Variants in TRIO observed in about 807,000 individuals in gnomAD.
TRIO encodes the protein triple functional domain protein.
Under a neutral mutation model 351.9 loss-of-function variants are expected in TRIO, and 58 were observed. The observed-to-expected ratio is 0.16, with a 90% CI of 0.13 to 0.21. The LOEUF (loss-of-function observed/expected upper bound fraction) is 0.21. TRIO is among the 10% of genes least tolerant of loss of function. The probability of loss-of-function intolerance (pLI) is 1.00; values close to 1 mark genes in which losing one functional copy is unlikely to be tolerated. For missense variants in TRIO, 3,201 were observed against 4,027.8 expected, an observed-to-expected ratio of 0.79 and a Z score of 5.56; for synonymous variants, 1,758 against 1,595.7, an observed-to-expected ratio of 1.10 and a Z score of -2.42.
At chr5:14,488,429 T>A in intron 48 of TRIO, 169 bp downstream of exon 48, 1 of 930,440 alleles carries the variant, frequency 1.1e-6, no homozygotes, top group Non-Finnish European at 1.6e-6. Context: ...CCCACGGCGC[T>A]ACTAACTACT....
In TRIO at chr5:14,229,625, C is replaced by T. The variant is rs1161355860; in HGVS notation, c.158-41200C>T. Among the ~76,000 whole-genome samples the T allele has an allele frequency of 3.9e-5, 6 of 152,184 alleles. 1 individual carries two copies. Among genetic ancestry groups the T allele is most frequent in the Admixed American group, 3.9e-4 (6 of 15,282 alleles). ...ACCATTAGGAAGACAACGTTCAAGG[C>T]TGGGTCCAGGTGGTTCTTCTCTTTG... On this transcript the variant is annotated intron_variant, in intron 1 of 56. Coordinates refer to ENST00000344204, the MANE Select transcript of TRIO (RefSeq NM_007118.4).
intron 16 of TRIO, among the ~76,000 whole-genome samples, chr5:14,368,406 T>C (rs556919554): frequency 1.3e-5 from 2 of 152,218 alleles, no homozygotes; most frequent in South Asian, 4.1e-4. Flanking sequence ...ACCACTTCTT[T>C]GGCTGTTAAG....
At chr5:14,269,704 C>T (rs182774452) in intron 1 of TRIO, among the ~76,000 whole-genome samples, 53 of 152,274 alleles carry the variant, frequency 3.5e-4, no homozygotes, top group South Asian at 8.3e-4. Flanking sequence ...AGGGCTTGCC[C>T]GGGAGTTGCT....
intron 1 of TRIO, among the ~76,000 whole-genome samples, chr5:14,172,332 A>G (rs1355282121): frequency 6.6e-6 from 1 of 152,246 alleles, no homozygotes; most frequent in East Asian, 1.9e-4. Flanking sequence ...GAACAAATCT[A>G]GCGTCTTGGT....
chr5:14,390,559 A>G, intron 26 of TRIO: 1 of 547,872 alleles, frequency 1.8e-6, no homozygotes, highest in Non-Finnish European at 3.2e-6. Context: ...ATTTGCTGAT[A>G]GGTGAGTTCC....
Position 14,488,075 on chromosome 5 carries a change from G to C in TRIO, c.7447G>C (p.Gly2483Arg), listed in dbSNP as rs1259278819. 2.2e-5 allele frequency: 36 copies of C among 1,609,894 alleles called. No homozygotes were observed. Among genetic ancestry groups the C allele is most frequent in the African/African-American group, 2.7e-5 (2 of 74,812 alleles). ...CCCCAGCAGCCCCCTGCAGAAGGGGGGCTCCTTCTGGAGCTCCATCCCCGC... is the reference window on the plus strand; with the variant it reads ...CCCCAGCAGCCCCCTGCAGAAGGGGCGCTCCTTCTGGAGCTCCATCCCCGC... ...FPPSSPLQKG[G>R]SFWSSIPASP... The change falls in exon 48 of 57, where the codon GGC becomes CGC. Residue 2483 changes from glycine (G) to arginine (R), a missense_variant. Gly to Arg is a moderately radical substitution (Grantham distance 125). Around this residue, in one of 19 missense-constraint regions of TRIO, gnomAD observed 1,089 missense variants for 954.9 expected, o/e 1.14. Coordinates refer to ENST00000344204, the MANE Select transcript of TRIO (RefSeq NM_007118.4).
chr5:14,159,658 T>A (rs1788325009), intron 1 of TRIO, among the ~76,000 whole-genome samples: 1 of 151,892 alleles, frequency 6.6e-6, no homozygotes, highest in Admixed American at 6.6e-5. Flanking sequence ...AACCTCCATC[T>A]CCTGAGCGAT....
rs1736464728 is a variant in TRIO, at chr5:14,286,597, T to C, written c.348-274T>C. 6.6e-6 allele frequency among the ~76,000 whole-genome samples: 1 copy of C among 152,180 alleles called. No individual in the cohort carries two copies. The highest frequency in any genetic ancestry group is 1.5e-5 in the Non-Finnish European group (1 of 68,028). On this transcript the variant is annotated intron_variant, in intron 3 of 56. Transcript: ENST00000344204. This position sits in a 1 kb window ranked among gnomAD's most constrained non-coding sequence, Gnocchi z 4.4. ...AGAAATGGGCATGGTGACCGTTGTT[T>C]TCCTGAAAAGAAGACGGGATGCAAA...
intron 1 of TRIO, among the ~76,000 whole-genome samples, chr5:14,233,891 A>G (rs2152225666): frequency 6.6e-6 from 1 of 152,196 alleles, no homozygotes; most frequent in East Asian, 1.9e-4. Flanking sequence ...CCTGGGTTCA[A>G]GTGATTCTTT....
intron 1 of TRIO, among the ~76,000 whole-genome samples, chr5:14,219,287 C>G (rs1276083074): frequency 6.6e-6 from 1 of 151,774 alleles, no homozygotes; most frequent in African/African-American, 2.4e-5. Flanking sequence ...CATTGTTTTC[C>G]TTACCCCCCG....
intron 9 of TRIO, 51 bp from the exon 10 acceptor site, chr5:14,330,727 A>T (rs758661393): frequency 1.3e-6 from 2 of 1,595,380 alleles, no homozygotes; most frequent in East Asian, 2.2e-5. Context: ...TTAAACATTG[A>T]ACATGGCAGG....
In TRIO at chr5:14,183,904, G is replaced by A. The variant is rs551782213; in HGVS notation, c.157+40022G>A. The A allele has an allele frequency of 2.2e-4, 150 of 695,144 alleles. 1 individual carries two copies. The African/African-American group carries it at 2.2e-3, about 10-fold the overall frequency. The allele number at this position is 695,144 out of a possible 1,614,324, so 43.1% of individuals were successfully genotyped here. On this transcript the variant is annotated intron_variant, in intron 1 of 56. Transcript: ENST00000344204. Reference sequence around the variant, plus strand: ...ACTGTTTTACTTCGATTTTATTTTCGTGGTAACCGTTTTTTAAAAAAGATT... The same window carrying A: ...ACTGTTTTACTTCGATTTTATTTTCATGGTAACCGTTTTTTAAAAAAGATT...
At chr5:14,280,746 C>T (rs1053925621) in intron 3 of TRIO, among the ~76,000 whole-genome samples, 10 of 152,168 alleles carry the variant, frequency 6.6e-5, no homozygotes, top group African/African-American at 1.9e-4. Context: ...TACCGTGACA[C>T]AGAGGCCTGG....
Position 14,497,839 on chromosome 5 carries a change from C to T in TRIO, c.8020-8C>T. The T allele has an allele frequency of 6.2e-7, 1 of 1,614,206 alleles. No homozygotes were observed. Among genetic ancestry groups the T allele is most frequent in the African/African-American group, 1.3e-5 (1 of 75,042 alleles). ...TCAGTTAATGCTTGTTTGCTGTTTC[C>T]ATTTCAGCTTCTCAATCCCAACTAC... On this transcript the variant is annotated splice_region_variant and splice_polypyrimidine_tract_variant and intron_variant, in intron 50 of 56. Coordinates refer to ENST00000344204, the MANE Select transcript of TRIO (RefSeq NM_007118.4). This position sits in a 1 kb window ranked among gnomAD's most constrained non-coding sequence, Gnocchi z 4.4.
chr5:14,318,279 CAAAAAAAAAAA>C (rs759632595), intron 9 of TRIO, among the ~76,000 whole-genome samples: 7 of 46,512 alleles, frequency 1.5e-4, no homozygotes, highest in African/African-American at 3.2e-4. Flanking sequence ...GACTCTATCT[CAAAAAAAAAAA>C]AAAAAAAAAA....
intron 34 of TRIO, among the ~76,000 whole-genome samples, chr5:14,430,714 AT>A (rs1299062329): frequency 2.1e-5 from 3 of 143,330 alleles, no homozygotes; most frequent in Non-Finnish European, 4.4e-5. Flanking sequence ...ATTTTATTTT[AT>A]TTTATTTATT....
chr5:14,453,054 CTTCT>C (rs541329103), intron 34 of TRIO, among the ~76,000 whole-genome samples: 29 of 152,232 alleles, frequency 1.9e-4, no homozygotes, highest in East Asian at 1.5e-3. Flanking sequence ...TCTGCTTTCT[CTTCT>C]TTCTTTACCT....
At chr5:14,328,494 G>A (rs1011517104) in intron 9 of TRIO, among the ~76,000 whole-genome samples, 1 of 152,232 alleles carries the variant, frequency 6.6e-6, no homozygotes, top group African/African-American at 2.4e-5. Context: ...CAATACACGA[G>A]TTAAAATAAT....
At chr5:14,432,714 A>G (rs1751266644) in intron 34 of TRIO, among the ~76,000 whole-genome samples, 1 of 152,218 alleles carries the variant, frequency 6.6e-6, no homozygotes, top group African/African-American at 2.4e-5. Flanking sequence ...TAAATGGAAA[A>G]AGCAATCACA....
Sources: gnomAD v4.1 joint callset for allele counts (sites outside exome capture counted in the v4.1 genomes callset) on GRCh38, gnomAD v4.1.1 for gene constraint, gnomAD v4.1.1 regional missense constraint, Gnocchi (gnomAD v3.1) non-coding constraint, MANE v1.5 for transcripts, NCBI Gene and HGNC (gene_info 2026-07-23, HGNC 2026-07-21) for gene names.